ZMAT4: variants seen among roughly 807,000 people sequenced by gnomAD.
The protein encoded by ZMAT4 is zinc finger matrin-type 4, also known as zinc finger matrin-type protein 4.
In ZMAT4, 17 loss-of-function variants were observed where a neutral mutation model predicts 28.7. The ratio of observed to expected loss-of-function variants is 0.59; its 90% CI spans 0.41 to 0.89. The LOEUF is 0.89. Ranked by LOEUF, ZMAT4 falls within the 40% of genes least tolerant of loss-of-function variation. The pLI is 0.00. For missense variants in ZMAT4, 240 were observed against 283.8 expected (o/e 0.85, Z 1.11); for synonymous variants, 117 against 109.2 (o/e 1.07, Z -0.44).
chr8:40,792,997 G>T (rs1263165017), intron 2 of ZMAT4, among the ~76,000 whole-genome samples: 1 of 151,934 alleles, frequency 6.6e-6, no homozygotes, highest in Non-Finnish European at 1.5e-5. Context: ...TGGGGAAACT[G>T]CTCTGTATGA....
rs1563349729 is a variant in ZMAT4, at chr8:40,581,275, A to G, written c.578-14T>C. The G allele has an allele frequency of 4.3e-6, 7 of 1,610,116 alleles. No individual in the cohort carries two copies. Among genetic ancestry groups the G allele is most frequent in the Non-Finnish European group, 5.9e-6 (7 of 1,176,774 alleles). On this transcript the variant is annotated splice_polypyrimidine_tract_variant and intron_variant, in intron 5 of 6. Coordinates refer to ENST00000297737, the MANE Select transcript of ZMAT4 (RefSeq NM_024645.3). ...TGCGCCTCAGACCTGTGGACAACAG[A>G]CAGACCTGGTTAGCTGCATCCAGTC...
At chr8:40,719,533 A>T (rs72639696) in intron 3 of ZMAT4, among the ~76,000 whole-genome samples, 34,635 of 152,138 alleles carry the variant, frequency 0.23, 5,265 homozygotes, top group Middle Eastern at 0.35. Flanking sequence ...AGTGACTGAC[A>T]GGCAGCGAGT....
rs1284727122 is a variant in ZMAT4, at chr8:40,825,569, C to G, written c.102+6G>C. ...TTGCAAACAGAGTGGGAAACGCTGTCCTTACCTCGTAGTGGGCCACACGCT... is the reference window on the plus strand; with the variant it reads ...TTGCAAACAGAGTGGGAAACGCTGTGCTTACCTCGTAGTGGGCCACACGCT... On this transcript the variant is annotated splice_donor_region_variant and intron_variant, in intron 2 of 6. Coordinates refer to ENST00000297737, the MANE Select transcript of ZMAT4 (RefSeq NM_024645.3). 6 of 1,551,418 alleles carry G rather than the reference C, an allele frequency of 3.9e-6. No individual in the cohort carries two copies. In the South Asian group the frequency reaches 7.1e-5, roughly 18 times the overall value.
chr8:40,851,944 T>C (rs1214095377), intron 1 of ZMAT4, among the ~76,000 whole-genome samples: 2 of 152,214 alleles, frequency 1.3e-5, no homozygotes, highest in Non-Finnish European at 2.9e-5. Context: ...TTGCCCAGGC[T>C]GGAGTGGAGT....
In ZMAT4 at chr8:40,625,750, C is replaced by T. The variant is rs567856145; in HGVS notation, c.578-44489G>A. On this transcript the variant is annotated intron_variant, in intron 5 of 6. Transcript: ENST00000297737. ...CAGATGTAGAGCAAGGAGGTGGGTA[C>T]CTCAGTCAAGCATTTAAGGGAGAGG... is the stretch of plus-strand genomic sequence containing the variant. 3.3e-5 allele frequency among the ~76,000 whole-genome samples: 5 copies of T among 152,156 alleles called. No homozygotes were observed. In the East Asian group the frequency reaches 9.7e-4, roughly 29 times the overall value.
chr8:40,859,076 A>T (rs1817398719), intron 1 of ZMAT4, among the ~76,000 whole-genome samples: 1 of 152,218 alleles, frequency 6.6e-6, no homozygotes, highest in Non-Finnish European at 1.5e-5. Flanking sequence ...TTTCTTCCCC[A>T]GCTGGACCAG....
chr8:40,766,892 A>G (rs1813180660), intron 3 of ZMAT4, among the ~76,000 whole-genome samples: 1 of 152,254 alleles, frequency 6.6e-6, no homozygotes, highest in Non-Finnish European at 1.5e-5. Context: ...GGTGTGGGGT[A>G]TAAATTCTAC....
intron 5 of ZMAT4, among the ~76,000 whole-genome samples, chr8:40,629,580 C>A (rs2589872): frequency 1.5e-5 from 2 of 137,752 alleles, no homozygotes; most frequent in African/African-American, 5.4e-5. Flanking sequence ...CAACAGGCCC[C>A]GGTGTGTGAT....
intron 3 of ZMAT4, among the ~76,000 whole-genome samples, chr8:40,731,929 A>G (rs1179993991): frequency 2.6e-5 from 4 of 152,208 alleles, no homozygotes; most frequent in South Asian, 4.1e-4. Context: ...TGAAACATGG[A>G]TGAAACTTGT....
chr8:40,653,805 G>C (rs1402583047), intron 5 of ZMAT4, among the ~76,000 whole-genome samples: 2 of 152,154 alleles, frequency 1.3e-5, no homozygotes, highest in Non-Finnish European at 2.9e-5. Context: ...AGTCAGACTG[G>C]ATGGCTTCAT....
rs574374400 is a variant in ZMAT4 at position 40,629,804 on chromosome 8, C to T, written c.577+44900G>A. On this transcript the variant is annotated intron_variant, in intron 5 of 6. Transcript: ENST00000297737. ...GCCACATTTTCTTAATCCAGTCTAT[C>T]GTTGTTGGACATTTAGGTTGGTTCC... is the stretch of plus-strand genomic sequence containing the variant. Among the ~76,000 whole-genome samples, 101 of 152,180 alleles carry T rather than the reference C, an allele frequency of 6.6e-4. No homozygotes were observed. In the Middle Eastern group the frequency reaches 0.01, roughly 15 times the overall value.
chr8:40,650,299 T>TCTATGC (rs760817846), intron 5 of ZMAT4, among the ~76,000 whole-genome samples: 225 of 151,628 alleles, frequency 1.5e-3, no homozygotes, highest in Non-Finnish European at 2.5e-3. Flanking sequence ...TACAAACACG[T>TCTATGC]CTATGCAAAT....
intron 6 of ZMAT4, among the ~76,000 whole-genome samples, chr8:40,559,826 C>T (rs1009844716): frequency 2.0e-5 from 3 of 152,020 alleles, no homozygotes. Flanking sequence ...CATAAGTACA[C>T]ACAAATACAA....
At chr8:40,882,621 C>G (rs1031000312) in intron 1 of ZMAT4, among the ~76,000 whole-genome samples, 2 of 152,190 alleles carry the variant, frequency 1.3e-5, no homozygotes, top group African/African-American at 4.8e-5. Context: ...CCACCACCAG[C>G]AGCGGCTTTT....
At chr8:40,669,540 C>T (rs1808583899) in intron 5 of ZMAT4, among the ~76,000 whole-genome samples, 2 of 152,142 alleles carry the variant, frequency 1.3e-5, no homozygotes, top group African/African-American at 2.4e-5. Flanking sequence ...ACTCCACCTA[C>T]TCAACATGAA....
At position 40,812,623 on chromosome 8, in the gene ZMAT4, C is replaced by T. The variant is rs558032657; in HGVS notation, c.102+12952G>A. Among the ~76,000 whole-genome samples, 14 of 152,250 alleles carry T rather than the reference C, an allele frequency of 9.2e-5. No individual in the cohort carries two copies. The South Asian group carries it at 2.7e-3, about 29-fold the overall frequency. On this transcript the variant is annotated intron_variant, in intron 2 of 6. Coordinates refer to ENST00000297737, the MANE Select transcript of ZMAT4 (RefSeq NM_024645.3). ...TAAGGAAATATGAACAAAGATTGGACTTGACACTTTAAAATATAGGATATA... is the reference window on the plus strand; with the variant it reads ...TAAGGAAATATGAACAAAGATTGGATTTGACACTTTAAAATATAGGATATA...
At chr8:40,576,999 G>A (rs1324456330) in intron 6 of ZMAT4, among the ~76,000 whole-genome samples, 2 of 152,062 alleles carry the variant, frequency 1.3e-5, no homozygotes, top group South Asian at 2.1e-4. Context: ...TTCAAGACCA[G>A]CCTGGCCAAC....
At chr8:40,804,543 T>C (rs958807658) in intron 2 of ZMAT4, among the ~76,000 whole-genome samples, 2 of 152,084 alleles carry the variant, frequency 1.3e-5, no homozygotes, top group Non-Finnish European at 2.9e-5. Context: ...AAAGCAATTT[T>C]AAAATATTAA....
intron 5 of ZMAT4, among the ~76,000 whole-genome samples, chr8:40,582,825 AT>A (rs1251826332): frequency 6.6e-6 from 1 of 152,084 alleles, no homozygotes; most frequent in Admixed American, 6.5e-5. Context: ...CGGGCTTGCT[AT>A]TTTTACTATT....
Sources: allele counts gnomAD v4.1 joint callset (sites outside exome capture counted in the v4.1 genomes callset), GRCh38; gene constraint gnomAD v4.1.1; transcripts MANE v1.5; gene names NCBI Gene and HGNC (gene_info 2026-07-23, HGNC 2026-07-21).